ARID1B: variants seen among roughly 807,000 people sequenced by gnomAD.
ARID1B encodes AT-rich interactive domain-containing protein 1B.
Under a neutral mutation model 212.3 loss-of-function variants are expected in ARID1B, and 30 were observed. That is an observed-to-expected ratio of 0.14 (90% confidence interval 0.11 to 0.19). ARID1B has a LOEUF of 0.19. Ranked by LOEUF, ARID1B falls within the 10% of genes least tolerant of loss-of-function variation. The pLI, the probability that ARID1B is intolerant of heterozygous loss-of-function variation, is 1.00. For missense variants in ARID1B, 2,891 were observed against 3,204.0 expected (o/e 0.90, Z 2.36); for synonymous variants, 1,402 against 1,301.7 (o/e 1.08, Z -1.66).
chr6:157,028,646 C>T (rs1025684813), intron 4 of ARID1B, among the ~76,000 whole-genome samples: 6 of 152,076 alleles, frequency 3.9e-5, no homozygotes. Context: ...CATGTGATTT[C>T]CTTAGGTATA....
intron 2 of ARID1B, among the ~76,000 whole-genome samples, chr6:156,872,500 T>C (rs1266810004): frequency 2.0e-5 from 3 of 152,212 alleles, no homozygotes; most frequent in East Asian, 3.9e-4. Flanking sequence ...TTTGTATTTT[T>C]AGTAGAGATG....
intron 4 of ARID1B, chr6:156,936,342 C>CAAAAAAAAAAAAAAAAAAAA (rs757988115): frequency 2.6e-5 from 2 of 76,780 alleles, no homozygotes; most frequent in African/African-American, 4.6e-5. Context: ...AACTTCATCT[C>CAAAAAAAAAAAAAAAAAAAA]AAAAAAAAAA....
chr6:156,891,026 G>A (rs959426653), intron 2 of ARID1B, among the ~76,000 whole-genome samples: 1 of 152,146 alleles, frequency 6.6e-6, no homozygotes, highest in South Asian at 2.1e-4. Flanking sequence ...AAGGGACTGT[G>A]GAATGTTGAG....
intron 5 of ARID1B, among the ~76,000 whole-genome samples, chr6:157,109,394 G>A (rs757646462): frequency 5.3e-5 from 8 of 152,180 alleles, no homozygotes; most frequent in African/African-American, 1.4e-4. Context: ...CAGGACCACC[G>A]CCCCAGAGGA....
rs115081824 is a variant in ARID1B, at chr6:157,015,719, T to C, written c.2248-68943T>C. Among the ~76,000 whole-genome samples the C allele has an allele frequency of 6.7e-3, 1,027 of 152,332 alleles. 5 individuals carry two copies. Among genetic ancestry groups the C allele is most frequent in the African/African-American group, 0.024 (982 of 41,560 alleles). On this transcript the variant is annotated intron_variant, in intron 4 of 19. Coordinates refer to ENST00000636930, the MANE Select transcript of ARID1B (RefSeq NM_001374828.1). ...CTTCAGAGTTTCCCAGGTGCTGACT[T>C]ACCGTATAACCCTGCGTTTGCTGTC...
At chr6:157,061,055 C>T (rs887906789) in intron 4 of ARID1B, among the ~76,000 whole-genome samples, 1 of 152,188 alleles carries the variant, frequency 6.6e-6, no homozygotes, top group African/African-American at 2.4e-5. Flanking sequence ...TGGTCTGTCT[C>T]ACCTCCTGTG....
At chr6:157,095,271 A>C (rs1785534545) in intron 5 of ARID1B, among the ~76,000 whole-genome samples, 1 of 152,198 alleles carries the variant, frequency 6.6e-6, no homozygotes, top group South Asian at 2.1e-4. Flanking sequence ...GCCACACAAC[A>C]TGCCTGGGAA....
At chr6:157,176,264 G>A (rs1004908907) in intron 11 of ARID1B, among the ~76,000 whole-genome samples, 16 of 152,198 alleles carry the variant, frequency 1.1e-4, no homozygotes, top group African/African-American at 3.1e-4. Context: ...CAGACAGTGC[G>A]CTTCTAGGAG....
intron 4 of ARID1B, among the ~76,000 whole-genome samples, chr6:156,960,974 C>T (rs1794333290): frequency 6.6e-6 from 1 of 152,166 alleles, no homozygotes; most frequent in Non-Finnish European, 1.5e-5. Context: ...ACCTTTCTAC[C>T]TTTTTAAAAA....
At chr6:157,072,916 G>A (rs1784077689) in intron 4 of ARID1B, among the ~76,000 whole-genome samples, 1 of 152,100 alleles carries the variant, frequency 6.6e-6, no homozygotes, top group Non-Finnish European at 1.5e-5. Flanking sequence ...AACCTGGGCT[G>A]GTTCCCTTCT....
intron 4 of ARID1B, among the ~76,000 whole-genome samples, chr6:156,947,325 A>G (rs1234108800): frequency 6.6e-6 from 1 of 152,128 alleles, no homozygotes; most frequent in Non-Finnish European, 1.5e-5. Context: ...TTGGAGGAAT[A>G]TTTCTTAGTT....
intron 8 of ARID1B, among the ~76,000 whole-genome samples, chr6:157,153,820 TG>T (rs1790369283): frequency 6.6e-6 from 1 of 152,174 alleles, no homozygotes; most frequent in African/African-American, 2.4e-5. Context: ...TTTACTTTTT[TG>T]TAGAGACAGA....
intron 16 of ARID1B, chr6:157,198,528 A>G: frequency 5.0e-6 from 2 of 397,750 alleles, no homozygotes; most frequent in Non-Finnish European, 9.2e-6. Flanking sequence ...AGGCTCTAAC[A>G]AGTGCTTACA....
In ARID1B at chr6:156,955,428, C is replaced by T. The variant is rs904164108; in HGVS notation, c.2247+19852C>T. On this transcript the variant is annotated intron_variant, in intron 4 of 19. Coordinates refer to ENST00000636930, the MANE Select transcript of ARID1B (RefSeq NM_001374828.1). This position sits in a 1 kb window ranked among gnomAD's most constrained non-coding sequence, Gnocchi z 4.2. ...TCTGAGGCTAGGTGGGGATCCAGAA[C>T]AACGCTATAGTCCTTTCTGTATATG... Among the ~76,000 whole-genome samples the T allele has an allele frequency of 2.0e-5, 3 of 152,174 alleles. No homozygotes were observed. The highest frequency in any genetic ancestry group is 4.4e-5 in the Non-Finnish European group (3 of 68,022).
intron 4 of ARID1B, among the ~76,000 whole-genome samples, chr6:157,021,513 G>A (rs1439006004): frequency 1.3e-5 from 2 of 152,198 alleles, no homozygotes; most frequent in Non-Finnish European, 2.9e-5. Context: ...GGGTTCCGGT[G>A]CCGCCCTCCC....
chr6:156,878,014 C>T (rs147061445), intron 2 of ARID1B, among the ~76,000 whole-genome samples: 1 of 152,246 alleles, frequency 6.6e-6, no homozygotes, highest in African/African-American at 2.4e-5. Context: ...CCGCGTCTGG[C>T]CCATGTTTAT....
At chr6:156,804,316 A>G (rs1780997907) in intron 1 of ARID1B, among the ~76,000 whole-genome samples, 1 of 151,598 alleles carries the variant, frequency 6.6e-6, no homozygotes, top group Non-Finnish European at 1.5e-5. Flanking sequence ...AGCCTGGGTG[A>G]CAGAGCAAGA....
chr6:157,010,591 A>C (rs529161093), intron 4 of ARID1B, among the ~76,000 whole-genome samples: 2 of 148,532 alleles, frequency 1.3e-5, no homozygotes, highest in East Asian at 4.0e-4. Context: ...AAGTGCTGGG[A>C]TTACAGGCGT....
At chr6:157,067,551 T>C (rs1783745711) in intron 4 of ARID1B, among the ~76,000 whole-genome samples, 1 of 152,194 alleles carries the variant, frequency 6.6e-6, no homozygotes, top group African/African-American at 2.4e-5. Flanking sequence ...TTCCTCCTGC[T>C]CAAATGTGCA....
Sources: gnomAD v4.1 joint callset for allele counts (sites outside exome capture counted in the v4.1 genomes callset) on GRCh38, gnomAD v4.1.1 for gene constraint, Gnocchi (gnomAD v3.1) non-coding constraint, MANE v1.5 for transcripts, NCBI Gene and HGNC (gene_info 2026-07-23, HGNC 2026-07-21) for gene names.